The following GRK5 variants were observed in gnomAD, a reference collection of about 807,000 sequenced individuals.
The protein encoded by GRK5 is G protein-coupled receptor kinase 5.
A neutral mutation model predicts 78.4 loss-of-function variants in GRK5; 40 were observed. The observed-to-expected ratio is 0.51, with a 90% CI of 0.40 to 0.66. GRK5 has a LOEUF of 0.66. Among genes scored for constraint, GRK5 ranks in the 30% least tolerant of loss-of-function variants. The pLI is 0.00. For synonymous variants in GRK5, 289 were observed against 296.8 expected (o/e 0.97, Z 0.27); for missense variants, 598 against 759.9 (o/e 0.79, Z 2.50).
chr10:119,416,332 G>A (rs1328255136), intron 4 of GRK5, among the ~76,000 whole-genome samples: 1 of 152,226 alleles, frequency 6.6e-6, no homozygotes, highest in Non-Finnish European at 1.5e-5. Flanking sequence ...CCATCCTCGG[G>A]GCTGATAACT....
At chr10:119,233,202 T>G (rs1848859631) in intron 1 of GRK5, among the ~76,000 whole-genome samples, 1 of 152,162 alleles carries the variant, frequency 6.6e-6, no homozygotes, top group East Asian at 1.9e-4. Flanking sequence ...ATCTACCCCC[T>G]CTTCTTCTGG....
intron 4 of GRK5, among the ~76,000 whole-genome samples, chr10:119,409,841 C>T (rs895019745): frequency 2.0e-5 from 3 of 152,208 alleles, no homozygotes; most frequent in Non-Finnish European, 4.4e-5. Context: ...GCCCTGCCCT[C>T]GCCTATCACG....
At chr10:119,413,577 G>T (rs1321057126) in intron 4 of GRK5, among the ~76,000 whole-genome samples, 2 of 151,928 alleles carry the variant, frequency 1.3e-5, no homozygotes, top group Non-Finnish European at 2.9e-5. Context: ...TTCCGTCTGC[G>T]GGCATTTGCG....
At chr10:119,382,509 C>A (rs1053904106) in intron 3 of GRK5, among the ~76,000 whole-genome samples, 5 of 152,126 alleles carry the variant, frequency 3.3e-5, no homozygotes, top group East Asian at 1.9e-4. Flanking sequence ...CTTTATGAAC[C>A]CACAATTATG....
chr10:119,207,857 G>T lies in GRK5; in HGVS notation c.-61G>T. On this transcript the variant is annotated 5_prime_UTR_variant, in exon 1 of 16. Coordinates refer to ENST00000392870, the MANE Select transcript of GRK5 (RefSeq NM_005308.3). ...CAGCCCGAGCAGCGGCAGCAGCAGC[G>T]GCAGCACCCCAGGCGCTGACAGCCC... The T allele has an allele frequency of 6.7e-7, 1 of 1,493,206 alleles. No individual in the cohort carries two copies. The highest frequency in any genetic ancestry group is 9.0e-7 in the Non-Finnish European group (1 of 1,106,534). The allele number at this position is 1,493,206 out of a possible 1,614,324, so 92.5% of individuals were successfully genotyped here. A position where few individuals can be genotyped will look rare whatever the true frequency, so the allele number is the denominator to read the frequency against.
chr10:119,385,252 G>A (rs1851775755), intron 3 of GRK5, among the ~76,000 whole-genome samples: 1 of 151,350 alleles, frequency 6.6e-6, no homozygotes. Flanking sequence ...CTGACTTGGG[G>A]TTTTATTTTA....
chr10:119,278,246 G>A (rs4751707), intron 1 of GRK5, among the ~76,000 whole-genome samples: 11,344 of 151,988 alleles, frequency 0.075, 575 homozygotes, highest in South Asian at 0.12. Flanking sequence ...CTATGTGCCC[G>A]TCTCCACCTG....
chr10:119,226,239 A>G (rs927255166), intron 1 of GRK5, among the ~76,000 whole-genome samples: 2 of 150,792 alleles, frequency 1.3e-5, no homozygotes, highest in African/African-American at 4.9e-5. Flanking sequence ...CGGCTCCCCA[A>G]AGAGCTGGGA....
In GRK5 at chr10:119,394,193, TGG is replaced by T. The variant is rs1310526357; in HGVS notation, c.262-2498_262-2497del. The stretch of plus-strand genomic sequence containing the variant: ...GAGTGTGTGTGTGGGTGTCTGTGTA[TGG>T]GGGTGTGTATCTGTGTGTGGGTACG... On this transcript the variant is annotated intron_variant, in intron 3 of 15. Coordinates refer to ENST00000392870, the MANE Select transcript of GRK5 (RefSeq NM_005308.3). Among the ~76,000 whole-genome samples the T allele has an allele frequency of 3.0e-5, 4 of 133,440 alleles. No individual in the cohort carries two copies. The South Asian group carries it at 1.0e-3, about 34-fold the overall frequency. The allele number at this position is 133,440 out of a possible 152,430, so 87.5% of individuals were successfully genotyped here. A position where few individuals can be genotyped will look rare whatever the true frequency, so the allele number is the denominator to read the frequency against.
chr10:119,255,621 G>A (rs1361244450), intron 1 of GRK5, among the ~76,000 whole-genome samples: 1 of 152,206 alleles, frequency 6.6e-6, no homozygotes, highest in Non-Finnish European at 1.5e-5. Flanking sequence ...CAAGGTCAGG[G>A]TAAAGGTGGG....
intron 1 of GRK5, among the ~76,000 whole-genome samples, chr10:119,224,540 G>C (rs1237183940): frequency 6.6e-6 from 1 of 152,028 alleles, no homozygotes; most frequent in Admixed American, 6.6e-5. Flanking sequence ...GCCCCGAGTA[G>C]CTGGGATTAC....
At chr10:119,421,602 A>G (rs1218838238) in intron 4 of GRK5, among the ~76,000 whole-genome samples, 2 of 152,180 alleles carry the variant, frequency 1.3e-5, no homozygotes, top group African/African-American at 2.4e-5. Flanking sequence ...GGCAGGTGGG[A>G]GACAGCAGCC....
At chr10:119,374,007 TG>T (rs991429751) in intron 2 of GRK5, among the ~76,000 whole-genome samples, 9 of 152,114 alleles carry the variant, frequency 5.9e-5, no homozygotes, top group African/African-American at 1.9e-4. Flanking sequence ...CAGAAAAGTT[TG>T]CCTACCCTTG....
In GRK5 at chr10:119,239,165, G is replaced by T. The variant is rs949304627; in HGVS notation, c.52+31196G>T. Among the ~76,000 whole-genome samples, 6 of 151,834 alleles carry T rather than the reference G, an allele frequency of 4.0e-5. No individual in the cohort carries two copies. In the East Asian group the frequency reaches 9.7e-4, roughly 24 times the overall value. On this transcript the variant is annotated intron_variant, in intron 1 of 15. Transcript: ENST00000392870. ...CTCCCCAGTTAAGGGCCTTTCCCAT[G>T]CTGGGGCTTCGGGATAACAAGAGCT...
At chr10:119,351,997 G>A (rs1851192602) in intron 2 of GRK5, among the ~76,000 whole-genome samples, 1 of 152,234 alleles carries the variant, frequency 6.6e-6, no homozygotes, top group Non-Finnish European at 1.5e-5. Flanking sequence ...TCCCTCTGCA[G>A]AGTGTAATCC....
At position 119,207,613 on chromosome 10, in the gene GRK5, G is replaced by T. The variant is rs1022698368; in HGVS notation, c.-305G>T. 2.5e-5 allele frequency: 8 copies of T among 322,474 alleles called. No homozygotes were observed. The highest frequency in any genetic ancestry group is 4.6e-5 in the Non-Finnish European group (8 of 173,856). 20.0% of individuals were successfully genotyped at this position (322,474 alleles called of 1,614,324 possible). A position where few individuals can be genotyped will look rare whatever the true frequency, so the allele number is the denominator to read the frequency against. ...TAAAGCATCCGAGGGAGCCGGAGGG[G>T]AGGAGAATGGAGTGACAGAGACACG... On this transcript the variant is annotated 5_prime_UTR_variant, in exon 1 of 16. Coordinates refer to ENST00000392870, the MANE Select transcript of GRK5 (RefSeq NM_005308.3).
At chr10:119,316,223 C>T (rs2133748822) in intron 1 of GRK5, among the ~76,000 whole-genome samples, 1 of 152,296 alleles carries the variant, frequency 6.6e-6, no homozygotes, top group African/African-American at 2.4e-5. Flanking sequence ...AAGGACCAGA[C>T]CCACTGAATT....
At chr10:119,283,639 C>T (rs1326079617) in intron 1 of GRK5, among the ~76,000 whole-genome samples, 1 of 152,234 alleles carries the variant, frequency 6.6e-6, no homozygotes, top group African/African-American at 2.4e-5. Context: ...GCTCAGACAC[C>T]TGCCCTCTGG....
At chr10:119,332,081 TG>T (rs1265679695) in intron 2 of GRK5, among the ~76,000 whole-genome samples, 1 of 152,006 alleles carries the variant, frequency 6.6e-6, no homozygotes, top group Non-Finnish European at 1.5e-5. Context: ...GGTCTAACTG[TG>T]GGTCTAATAG....
Sources: gnomAD v4.1 joint callset for allele counts (sites outside exome capture counted in the v4.1 genomes callset) on GRCh38, gnomAD v4.1.1 for gene constraint, MANE v1.5 for transcripts, NCBI Gene and HGNC (gene_info 2026-07-23, HGNC 2026-07-21) for gene names.